The following GABRA5 variants were observed in gnomAD, a reference collection of about 807,000 sequenced individuals.
GABRA5 encodes the protein gamma-aminobutyric acid receptor subunit alpha-5.
Under a neutral mutation model 47.3 loss-of-function variants are expected in GABRA5, and 18 were observed. The ratio of observed to expected loss-of-function variants is 0.38; its 90% confidence interval spans 0.26 to 0.56. GABRA5 has a LOEUF of 0.56. Among genes scored for constraint, GABRA5 ranks in the 20% least tolerant of loss-of-function variants. GABRA5 has a pLI of 0.71. For missense variants in GABRA5, 365 were observed against 599.3 expected (o/e 0.61, Z 4.08); for synonymous variants, 237 against 229.3 (o/e 1.03, Z -0.30).
intron 6 of GABRA5, among the ~76,000 whole-genome samples, chr15:26,890,454 C>T (rs981022013): frequency 9.0e-6 from 1 of 111,160 alleles, no homozygotes; most frequent in African/African-American, 6.2e-5. Flanking sequence ...TGCTTTGGGA[C>T]GTGCCTCACA....
chr15:26,892,113 G>A (rs1893020781), intron 6 of GABRA5, among the ~76,000 whole-genome samples: 1 of 152,266 alleles, frequency 6.6e-6, no homozygotes. Context: ...ACTTGGCAGA[G>A]GCCTCCGTGC....
chr15:26,946,910 A>G (rs1019530288), intron 10 of GABRA5, among the ~76,000 whole-genome samples: 1 of 152,212 alleles, frequency 6.6e-6, no homozygotes, highest in African/African-American at 2.4e-5. Flanking sequence ...TGGCACATTC[A>G]TGCAAAGGTA....
chr15:26,887,812 G>T (rs1484496794), intron 6 of GABRA5, among the ~76,000 whole-genome samples: 1 of 152,074 alleles, frequency 6.6e-6, no homozygotes, highest in Non-Finnish European at 1.5e-5. Flanking sequence ...TGCACATCTA[G>T]ATGAAATACA....
At chr15:26,891,516 G>C (rs1479375623) in intron 6 of GABRA5, among the ~76,000 whole-genome samples, 21 of 152,304 alleles carry the variant, frequency 1.4e-4, no homozygotes, top group Non-Finnish European at 4.4e-5. Flanking sequence ...CAGCCATGGG[G>C]ACTGAAAATA....
intron 7 of GABRA5, among the ~76,000 whole-genome samples, chr15:26,923,603 A>T (rs1250373458): frequency 6.6e-6 from 1 of 152,108 alleles, no homozygotes; most frequent in Non-Finnish European, 1.5e-5. Context: ...GGTCTACACC[A>T]ATAGCCTTTC....
At position 26,883,159 on chromosome 15, in the gene GABRA5, C is replaced by G. The variant is rs187470468; in HGVS notation, c.209-7C>G. On this transcript the variant is annotated splice_polypyrimidine_tract_variant and splice_region_variant and intron_variant, in intron 4 of 10. Coordinates refer to ENST00000335625, the MANE Select transcript of GABRA5 (RefSeq NM_000810.4). The surrounding 1 kb of genome is among the most constrained non-coding windows in gnomAD (Gnocchi z 4.8). ...GTGCAGCCCAGGGACCTGTGTCTGT[C>G]TTTCAGAGCGCATCACTCAGGTGAG... is the stretch of plus-strand genomic sequence containing the variant. 263 of 1,613,408 alleles carry G rather than the reference C, an allele frequency of 1.6e-4. 1 individual carries two copies. In the African/African-American group the frequency reaches 3.0e-3, roughly 18 times the overall value.
At chr15:26,929,237 G>A (rs949837765) in intron 7 of GABRA5, among the ~76,000 whole-genome samples, 1 of 152,206 alleles carries the variant, frequency 6.6e-6, no homozygotes, top group Non-Finnish European at 1.5e-5. Context: ...GACAAGTTGT[G>A]TGCTTCCAAA....
intron 7 of GABRA5, among the ~76,000 whole-genome samples, chr15:26,933,807 T>C (rs1423567895): frequency 1.3e-5 from 2 of 152,120 alleles, no homozygotes; most frequent in African/African-American, 4.8e-5. Flanking sequence ...CTGTCAAATT[T>C]AAAGCAGAGA....
At chr15:26,921,595 A>C (rs1197366429) in intron 7 of GABRA5, among the ~76,000 whole-genome samples, 2 of 151,306 alleles carry the variant, frequency 1.3e-5, no homozygotes, top group African/African-American at 4.9e-5. Flanking sequence ...TATTTCACTG[A>C]TTTCTGCTTT....
At chr15:26,897,314 TGAG>T (rs1893221549) in intron 6 of GABRA5, among the ~76,000 whole-genome samples, 2 of 152,070 alleles carry the variant, frequency 1.3e-5, no homozygotes, top group South Asian at 4.2e-4. Flanking sequence ...CCTTATACAA[TGAG>T]GAGAAGATTA....
At chr15:26,929,789 A>T (rs1303834525) in intron 7 of GABRA5, among the ~76,000 whole-genome samples, 2 of 152,170 alleles carry the variant, frequency 1.3e-5, no homozygotes, top group Non-Finnish European at 2.9e-5. Flanking sequence ...TGCAGGTACC[A>T]GCATCCCTCC....
chr15:26,877,359 A>G (rs1173684466), intron 3 of GABRA5, among the ~76,000 whole-genome samples: 1 of 152,208 alleles, frequency 6.6e-6, no homozygotes, highest in Non-Finnish European at 1.5e-5. Flanking sequence ...ACATCACACA[A>G]TGGTGCCATT....
chr15:26,877,961 C>T (rs555778660), intron 3 of GABRA5, among the ~76,000 whole-genome samples: 5 of 152,312 alleles, frequency 3.3e-5, no homozygotes, highest in African/African-American at 1.2e-4. Context: ...TTGAAGCACT[C>T]GTGGACTCTG....
At chr15:26,903,201 A>G (rs1893365465) in intron 6 of GABRA5, among the ~76,000 whole-genome samples, 2 of 152,160 alleles carry the variant, frequency 1.3e-5, no homozygotes, top group Non-Finnish European at 2.9e-5. Context: ...ATAAGTGAGA[A>G]CATGTGGTAT....
At chr15:26,880,010 A>C (rs1046893419) in intron 3 of GABRA5, among the ~76,000 whole-genome samples, 5 of 152,190 alleles carry the variant, frequency 3.3e-5, no homozygotes, top group Non-Finnish European at 5.9e-5. Context: ...GGTGGGATCC[A>C]TGCTCTTCAG....
At chr15:26,895,775 C>G (rs949036540) in intron 6 of GABRA5, among the ~76,000 whole-genome samples, 4 of 147,932 alleles carry the variant, frequency 2.7e-5, no homozygotes, top group Admixed American at 6.8e-5. Context: ...ATGGCGCCAC[C>G]GCACACTCCA....
At chr15:26,868,008 C>G (rs1892363707) in intron 1 of GABRA5, 1 of 151,982 alleles carries the variant, frequency 6.6e-6, no homozygotes, top group African/African-American at 2.4e-5. Flanking sequence ...CGCTGCGGAC[C>G]GCGCGGGTGG....
intron 6 of GABRA5, among the ~76,000 whole-genome samples, chr15:26,909,386 T>A (rs1893524173): frequency 6.6e-6 from 1 of 152,152 alleles, no homozygotes; most frequent in South Asian, 2.1e-4. Context: ...AAGGGAAACA[T>A]ATTGACAGGT....
At chr15:26,901,600 G>T (rs1031371137) in intron 6 of GABRA5, among the ~76,000 whole-genome samples, 1 of 152,030 alleles carries the variant, frequency 6.6e-6, no homozygotes, top group East Asian at 1.9e-4. Flanking sequence ...CTCCTACTGT[G>T]TGACTTGTCT....
Sources: allele counts gnomAD v4.1 joint callset (sites outside exome capture counted in the v4.1 genomes callset), GRCh38; gene constraint gnomAD v4.1.1; non-coding constraint Gnocchi (gnomAD v3.1); transcripts MANE v1.5; gene names NCBI Gene and HGNC (gene_info 2026-07-23, HGNC 2026-07-21).